The following LYPLA1 variants were observed in gnomAD, a reference collection of about 807,000 sequenced individuals.
LYPLA1 encodes the protein lysophospholipase 1.
Under a neutral mutation model 34.0 loss-of-function variants are expected in LYPLA1, and 17 were observed. The observed-to-expected ratio is 0.50, with a 90% confidence interval of 0.34 to 0.75. LYPLA1 has a LOEUF of 0.75. LYPLA1 is among the 30% of genes least tolerant of loss of function. LYPLA1 has a pLI of 0.01. For missense variants in LYPLA1, 203 were observed against 288.8 expected, an observed-to-expected ratio of 0.70 and a Z score of 2.15; for synonymous variants, 98 against 100.8, an observed-to-expected ratio of 0.97 and a Z score of 0.17.
At chr8:54,087,064 C>T (rs886879582) in intron 2 of LYPLA1, among the ~76,000 whole-genome samples, 5 of 152,052 alleles carry the variant, frequency 3.3e-5, no homozygotes, top group Non-Finnish European at 5.9e-5. Context: ...AAATGGCATC[C>T]AGATAGGAAA....
intron 2 of LYPLA1, among the ~76,000 whole-genome samples, chr8:54,078,896 T>G (rs1720983586): frequency 6.6e-6 from 1 of 151,636 alleles, no homozygotes; most frequent in East Asian, 1.9e-4. Context: ...CCTTTTTTTT[T>G]GCTTTTTATG....
chr8:54,094,020 C>G (rs1212470749), intron 2 of LYPLA1, among the ~76,000 whole-genome samples: 1 of 152,206 alleles, frequency 6.6e-6, no homozygotes, highest in East Asian at 1.9e-4. Flanking sequence ...TACAGGAAGA[C>G]TTGCAAACTT....
chr8:54,067,762 C>T (rs1258269175), intron 2 of LYPLA1, among the ~76,000 whole-genome samples: 2 of 146,640 alleles, frequency 1.4e-5, no homozygotes, highest in Admixed American at 7.0e-5. Flanking sequence ...GTGGCGCGAT[C>T]TCGGCTCACT....
intron 2 of LYPLA1, 185 bp downstream of exon 2, chr8:54,100,723 C>T: frequency 8.4e-6 from 5 of 596,074 alleles, no homozygotes; most frequent in Non-Finnish European, 1.5e-5. Flanking sequence ...AATCAATAAA[C>T]TCACGATGAT....
chr8:54,051,474 G>A (rs991126469), intron 7 of LYPLA1, among the ~76,000 whole-genome samples: 3 of 152,132 alleles, frequency 2.0e-5, no homozygotes, highest in African/African-American at 7.2e-5. Flanking sequence ...TTGAGACGGA[G>A]TCTTGCTCTG....
At chr8:54,087,560 TA>T (rs1270979792) in intron 2 of LYPLA1, among the ~76,000 whole-genome samples, 19 of 152,322 alleles carry the variant, frequency 1.2e-4, no homozygotes, top group African/African-American at 4.3e-4. Context: ...CAAAACATAC[TA>T]CCAAAAGGGT....
chr8:54,062,156 C>G, intron 5 of LYPLA1, 98 bp downstream of exon 5: 1 of 874,608 alleles, frequency 1.1e-6, no homozygotes, highest in Non-Finnish European at 1.8e-6. Context: ...CCGTGCCCGG[C>G]CCAAATGTGT....
At chr8:54,069,390 T>C (rs1480963935) in intron 2 of LYPLA1, among the ~76,000 whole-genome samples, 1 of 152,094 alleles carries the variant, frequency 6.6e-6, no homozygotes, top group Non-Finnish European at 1.5e-5. Flanking sequence ...ATGTATCAAC[T>C]AAAAGTAAAA....
At chr8:54,098,422 T>C (rs184853970) in intron 2 of LYPLA1, among the ~76,000 whole-genome samples, 1 of 152,190 alleles carries the variant, frequency 6.6e-6, no homozygotes, top group African/African-American at 2.4e-5. Flanking sequence ...CTCATGCCTG[T>C]AATCCCAGCA....
Position 54,059,138 on chromosome 8 carries a change from T to C in LYPLA1, c.286+3116A>G, listed in dbSNP as rs544328864. Among the ~76,000 whole-genome samples, 6 of 152,306 alleles carry C rather than the reference T, an allele frequency of 3.9e-5. No individual in the cohort carries two copies. The South Asian group carries it at 1.2e-3, about 32-fold the overall frequency. ...GGGCCCAGGCCCTCCCTGTTTTCCA[T>C]AGCATCTAACACTTACCCTCATACT... On this transcript the variant is annotated intron_variant, in intron 5 of 8. Coordinates refer to ENST00000316963, the MANE Select transcript of LYPLA1 (RefSeq NM_006330.4).
At chr8:54,051,275 A>T (rs930032773) in intron 7 of LYPLA1, 87 bp from the exon 8 acceptor site, 14 of 1,120,998 alleles carry the variant, frequency 1.2e-5, no homozygotes, top group Non-Finnish European at 6.2e-6. Context: ...ATAAATATGC[A>T]TATATATAAC....
intron 2 of LYPLA1, among the ~76,000 whole-genome samples, chr8:54,081,723 C>CA (rs1563635937): frequency 6.4e-4 from 93 of 145,020 alleles, no homozygotes; most frequent in African/African-American, 2.4e-3. Context: ...CCTTTCTTTT[C>CA]GTTTTTTTTT....
At chr8:54,065,324 G>A (rs1806970009) in intron 3 of LYPLA1, among the ~76,000 whole-genome samples, 1 of 152,046 alleles carries the variant, frequency 6.6e-6, no homozygotes, top group African/African-American at 2.4e-5. Flanking sequence ...TGGGCGTGGT[G>A]GCACGTACCT....
rs1810180594 is a variant in LYPLA1 at position 54,101,765 on chromosome 8, GC to G, written c.58del (p.Ala20ProfsTer5). The G allele has an allele frequency of 7.7e-7, 1 of 1,300,218 alleles. No individual in the cohort carries two copies. Among genetic ancestry groups the G allele is most frequent in the Admixed American group, 3.3e-5 (1 of 29,932 alleles). The allele number at this position is 1,300,218 out of a possible 1,614,324, so 80.5% of individuals were successfully genotyped here. ...GCCTACGCCACTCACCGCAGCGGTGGCCTTCCGGGCGGCGGGCACGATGGCG... is the reference window on the plus strand; with the variant it reads ...GCCTACGCCACTCACCGCAGCGGTGGCTTCCGGGCGGCGGGCACGATGGCG... ...LPAIVPAARK[A>X]TAAVIFLHGL... is the part of the protein sequence containing the mutation. On this transcript the variant is annotated frameshift_variant, in exon 1 of 9. Coordinates refer to ENST00000316963, the MANE Select transcript of LYPLA1 (RefSeq NM_006330.4). LOFTEE classifies it high-confidence loss of function.
intron 2 of LYPLA1, among the ~76,000 whole-genome samples, chr8:54,082,344 G>A (rs1328172360): frequency 5.9e-5 from 9 of 152,104 alleles, no homozygotes. Context: ...TTACAATTAG[G>A]GGAGAAAAGA....
chr8:54,043,885 C>A (rs1424734131), downstream of LYPLA1, among the ~76,000 whole-genome samples: 1 of 151,990 alleles, frequency 6.6e-6, no homozygotes, highest in Non-Finnish European at 1.5e-5. Context: ...TATACTGTTA[C>A]TCTTTTTCAC....
chr8:54,095,722 G>A (rs989602046), intron 2 of LYPLA1, among the ~76,000 whole-genome samples: 1 of 151,198 alleles, frequency 6.6e-6, no homozygotes, highest in Non-Finnish European at 1.5e-5. Flanking sequence ...CAAACTGAGG[G>A]ACATTCTACA....
intron 5 of LYPLA1, among the ~76,000 whole-genome samples, chr8:54,055,963 C>T (rs763420682): frequency 7.9e-5 from 12 of 151,964 alleles, no homozygotes; most frequent in Non-Finnish European, 1.3e-4. Context: ...TATGGAATCA[C>T]GAAAGACTCA....
Position 54,062,338 on chromosome 8 carries a change from C to T in LYPLA1, c.216-14G>A. On this transcript the variant is annotated splice_polypyrimidine_tract_variant and intron_variant, in intron 4 of 8. Coordinates refer to ENST00000316963, the MANE Select transcript of LYPLA1 (RefSeq NM_006330.4). ...ATAATATCAAACCTGTAAAATAAGGCAAAATCTTTTGATTCTAAGAAAAAT... is the reference window on the plus strand; with the variant it reads ...ATAATATCAAACCTGTAAAATAAGGTAAAATCTTTTGATTCTAAGAAAAAT... The T allele has an allele frequency of 1.3e-6, 2 of 1,558,982 alleles. No individual in the cohort carries two copies.
Sources: gnomAD v4.1 joint callset for allele counts (sites outside exome capture counted in the v4.1 genomes callset) on GRCh38, gnomAD v4.1.1 for gene constraint, MANE v1.5 for transcripts, NCBI Gene and HGNC (gene_info 2026-07-23, HGNC 2026-07-21) for gene names.